The following SPAM1 variants were observed in gnomAD, a reference collection of about 807,000 sequenced individuals.
SPAM1 encodes sperm adhesion molecule 1, also known as hyaluronidase PH-20.
SPAM1 carries 22 observed loss-of-function variants against 29.6 expected under a neutral mutation model. The ratio of observed to expected loss-of-function variants is 0.74; its 90% confidence interval spans 0.53 to 1.06. The LOEUF (loss-of-function observed/expected upper bound fraction) is 1.06, where lower values mean the gene tolerates loss of function less well. Among genes scored for constraint, SPAM1 ranks in the 50% least tolerant of loss-of-function variants. The pLI is 0.00. For missense variants in SPAM1, 534 were observed against 604.0 expected (o/e 0.88, Z 1.21); for synonymous variants, 194 against 204.6 (o/e 0.95, Z 0.44).
At chr7:123,970,598 T>TAATA (rs921735558) in intron 6 of SPAM1, among the ~76,000 whole-genome samples, 16 of 146,752 alleles carry the variant, frequency 1.1e-4, no homozygotes, top group African/African-American at 3.8e-4. Context: ...CTACAAATAA[T>TAATA]AATAATAATA....
At chr7:123,955,867 AG>A (rs1002205553) in intron 4 of SPAM1, among the ~76,000 whole-genome samples, 2 of 151,968 alleles carry the variant, frequency 1.3e-5, no homozygotes, top group Admixed American at 6.6e-5. Flanking sequence ...CCCTTGGTAA[AG>A]TATTTTATGT....
chr7:123,937,592 A>C (rs1164572288), intron 1 of SPAM1, among the ~76,000 whole-genome samples: 3 of 101,108 alleles, frequency 3.0e-5, no homozygotes, highest in East Asian at 3.2e-4. Context: ...CAGAGACTCC[A>C]TCTCAAAAAA....
At chr7:123,928,027 T>C (rs1357571500) in intron 1 of SPAM1, among the ~76,000 whole-genome samples, 1 of 152,180 alleles carries the variant, frequency 6.6e-6, no homozygotes, top group African/African-American at 2.4e-5. Context: ...TTCATGGCTC[T>C]TAGACCTTGT....
chr7:123,947,266 A>G (rs1056403656), intron 1 of SPAM1, among the ~76,000 whole-genome samples: 5 of 152,136 alleles, frequency 3.3e-5, no homozygotes, highest in African/African-American at 1.2e-4. Flanking sequence ...GCTGAGCAAT[A>G]AGTCCAGGTG....
chr7:123,926,162 C>G (rs1807876200), intron 1 of SPAM1: 1 of 152,180 alleles, frequency 6.6e-6, no homozygotes, highest in African/African-American at 2.4e-5. Flanking sequence ...TTCACCTTAT[C>G]TTATGTAAAG....
intron 1 of SPAM1, among the ~76,000 whole-genome samples, chr7:123,939,639 G>A (rs1808366142): frequency 6.6e-6 from 1 of 152,164 alleles, no homozygotes; most frequent in African/African-American, 2.4e-5. Context: ...CACAAGAGGA[G>A]AGACAAAGAT....
intron 1 of SPAM1, among the ~76,000 whole-genome samples, chr7:123,948,349 C>A (rs1161888083): frequency 6.6e-6 from 1 of 152,132 alleles, no homozygotes; most frequent in Non-Finnish European, 1.5e-5. Flanking sequence ...ACACAACCTA[C>A]CAAATGTGAT....
downstream of SPAM1, among the ~76,000 whole-genome samples, chr7:123,964,590 T>G (rs1279057211): frequency 7.9e-5 from 12 of 151,936 alleles, no homozygotes; most frequent in Admixed American, 7.9e-4. Flanking sequence ...ACTAGCATGG[T>G]GATAGCTCAT....
Position 123,959,989 on chromosome 7 carries a change from T to C in SPAM1, c.*20T>C, listed in dbSNP as rs201620104. The C allele has an allele frequency of 1.3e-6, 2 of 1,582,186 alleles. No individual in the cohort carries two copies. Among genetic ancestry groups the C allele is most frequent in the African/African-American group, 2.7e-5 (2 of 74,132 alleles). On this transcript the variant is annotated 3_prime_UTR_variant, in exon 5 of 5. Coordinates refer to ENST00000682466, the MANE Select transcript of SPAM1 (RefSeq NM_153189.3). ...TTGTAATTGCGCAGGTTAGCTGAAATGAACAATATGTCCATCTTAAAGTGT... is the reference window on the plus strand; with the variant it reads ...TTGTAATTGCGCAGGTTAGCTGAAACGAACAATATGTCCATCTTAAAGTGT...
At chr7:123,961,493 A>T (rs987988752), downstream of SPAM1, among the ~76,000 whole-genome samples, 3 of 151,902 alleles carry the variant, frequency 2.0e-5, no homozygotes, top group Non-Finnish European at 4.4e-5. Context: ...CAACAAACAA[A>T]ATGACTCCAT....
intron 2 of SPAM1, among the ~76,000 whole-genome samples, chr7:123,950,422 G>T (rs1388230840): frequency 6.6e-6 from 1 of 151,760 alleles, no homozygotes; most frequent in East Asian, 1.9e-4. Context: ...CTCCCAACCT[G>T]CTCCCTTTCA....
downstream of SPAM1, among the ~76,000 whole-genome samples, chr7:123,964,470 ATAATT>A (rs1247439239): frequency 1.3e-5 from 2 of 150,326 alleles, no homozygotes; most frequent in African/African-American, 4.8e-5. Context: ...ATCATTATAA[ATAATT>A]TTATTTTTCT....
At chr7:123,930,437 G>A (rs1277932039) in intron 1 of SPAM1, among the ~76,000 whole-genome samples, 1 of 152,150 alleles carries the variant, frequency 6.6e-6, no homozygotes, top group Non-Finnish European at 1.5e-5. Context: ...TGCAGAAGAT[G>A]CAGCTCCCAT....
chr7:123,935,781 A>G (rs1452983561), intron 1 of SPAM1, among the ~76,000 whole-genome samples: 1 of 152,220 alleles, frequency 6.6e-6, no homozygotes, highest in Non-Finnish European at 1.5e-5. Flanking sequence ...AGACATACAC[A>G]TACAAATATA....
At chr7:123,925,410 G>C (rs1807847097) in intron 1 of SPAM1, 58 bp downstream of exon 1, 1 of 152,220 alleles carries the variant, frequency 6.6e-6, no homozygotes, top group South Asian at 2.1e-4. Context: ...CTGGTTGAAA[G>C]AGTTGGCTTG....
chr7:123,943,450 C>T (rs1808488530), intron 1 of SPAM1, among the ~76,000 whole-genome samples: 1 of 152,094 alleles, frequency 6.6e-6, no homozygotes, highest in Admixed American at 6.6e-5. Flanking sequence ...AACAATTTCA[C>T]ATAATAATCA....
intron 2 of SPAM1, among the ~76,000 whole-genome samples, chr7:123,950,723 T>C (rs1808732681): frequency 6.6e-6 from 1 of 152,158 alleles, no homozygotes; most frequent in East Asian, 1.9e-4. Context: ...ACAATGAAGA[T>C]TTGAGTGAAG....
rs942801349 is a variant in SPAM1 at position 123,954,084 on chromosome 7, G to C, written c.514G>C (p.Val172Leu). 6 of 1,613,064 alleles carry C rather than the reference G, an allele frequency of 3.7e-6. No individual in the cohort carries two copies. The highest frequency in any genetic ancestry group is 1.3e-5 in the African/African-American group (1 of 74,818). The change falls in exon 3 of 5, where the codon GTT becomes CTT. Residue 172 changes from valine (V) to leucine (L), a missense_variant. By Grantham distance (32) the Val-to-Leu change is conservative. Transcript: ENST00000682466. Reference protein sequence around the residue: ...DVYKNRSIELVQQQNVQLSLT... With the variant: ...DVYKNRSIELLQQQNVQLSLT... ...TTACAAGAATAGGTCTATTGAATTG[G>C]TTCAGCAACAAAATGTACAACTTAG...
chr7:123,937,365 G>A (rs187820733), intron 1 of SPAM1, among the ~76,000 whole-genome samples: 2 of 152,138 alleles, frequency 1.3e-5, no homozygotes, highest in Admixed American at 6.5e-5. Context: ...ATTTTGGGAG[G>A]CCAAGGCGGG....
Sources: allele counts gnomAD v4.1 joint callset (sites outside exome capture counted in the v4.1 genomes callset), GRCh38; gene constraint gnomAD v4.1.1; transcripts MANE v1.5; gene names NCBI Gene and HGNC (gene_info 2026-07-23, HGNC 2026-07-21).